Variants in WWOX observed in about 807,000 individuals in gnomAD.
WWOX encodes WW domain-containing oxidoreductase.
Under a neutral mutation model 46.2 loss-of-function variants are expected in WWOX, and 69 were observed. That is an observed-to-expected ratio of 1.49 (90% CI 1.23 to 1.82). The LOEUF is 1.82. Ranked by LOEUF, WWOX falls within the 40% of genes most tolerant of loss-of-function variation. The pLI is 0.00. For missense variants in WWOX, 919 were observed against 542.6 expected (o/e 1.69, Z -6.89); for synonymous variants, 359 against 202.6 (o/e 1.77, Z -6.56).
chr16:78,724,650 A>T (rs1397581685), intron 8 of WWOX, among the ~76,000 whole-genome samples: 2 of 152,196 alleles, frequency 1.3e-5, no homozygotes, highest in East Asian at 1.9e-4. Context: ...AAACATTTCC[A>T]TGCAATTCCC....
At chr16:78,370,542 C>T (rs945530284) in intron 5 of WWOX, among the ~76,000 whole-genome samples, 1 of 149,088 alleles carries the variant, frequency 6.7e-6, no homozygotes, top group Admixed American at 6.6e-5. Flanking sequence ...TTCTATTCTT[C>T]TGTTCTGTTC....
chr16:78,959,239 T>A (rs1055960329), intron 8 of WWOX, among the ~76,000 whole-genome samples: 2 of 152,212 alleles, frequency 1.3e-5, no homozygotes, highest in East Asian at 3.9e-4. Context: ...TGGAATAATA[T>A]TGTACAGACT....
At chr16:78,158,684 G>T (rs1352779047) in intron 4 of WWOX, among the ~76,000 whole-genome samples, 2 of 151,990 alleles carry the variant, frequency 1.3e-5, no homozygotes, top group Non-Finnish European at 2.9e-5. Flanking sequence ...GGGTTCATAG[G>T]ATCTGTAGTC....
chr16:78,789,149 C>T (rs2050530404), intron 8 of WWOX, among the ~76,000 whole-genome samples: 1 of 152,048 alleles, frequency 6.6e-6, no homozygotes, highest in Non-Finnish European at 1.5e-5. Flanking sequence ...CCCCTCCTCT[C>T]GCATTTGGTG....
intron 8 of WWOX, among the ~76,000 whole-genome samples, chr16:78,613,969 T>C (rs2151634195): frequency 6.6e-6 from 1 of 152,320 alleles, no homozygotes; most frequent in Middle Eastern, 3.4e-3. Flanking sequence ...CGATGGCTGC[T>C]TTCAGCTACG....
chr16:78,379,410 C>A (rs1448800178), intron 5 of WWOX, among the ~76,000 whole-genome samples: 1 of 152,152 alleles, frequency 6.6e-6, no homozygotes, highest in African/African-American at 2.4e-5. Flanking sequence ...ACAATGGAGG[C>A]CACGTTCAAC....
chr16:78,995,306 C>G (rs371584092), intron 8 of WWOX, among the ~76,000 whole-genome samples: 9 of 152,092 alleles, frequency 5.9e-5, no homozygotes, highest in African/African-American at 2.2e-4. Context: ...GCCAGTCTGC[C>G]CCTTGCCCAA....
intron 8 of WWOX, among the ~76,000 whole-genome samples, chr16:78,780,026 A>G (rs1597597264): frequency 1.3e-5 from 2 of 152,206 alleles, no homozygotes; most frequent in African/African-American, 4.8e-5. Context: ...CAATGGCAGT[A>G]CCCAGTAGAA....
chr16:78,130,909 AC>A (rs1184510569), intron 4 of WWOX, among the ~76,000 whole-genome samples: 1 of 152,118 alleles, frequency 6.6e-6, no homozygotes, highest in Non-Finnish European at 1.5e-5. Flanking sequence ...TCGTTGTGCA[AC>A]CCTCATAGGA....
intron 5 of WWOX, among the ~76,000 whole-genome samples, chr16:78,179,026 G>A (rs1399256282): frequency 6.6e-6 from 1 of 152,160 alleles, no homozygotes; most frequent in Non-Finnish European, 1.5e-5. Flanking sequence ...CTTGGCAGGG[G>A]TGTTCATGAT....
chr16:78,568,578 C>T (rs989978012), intron 8 of WWOX, among the ~76,000 whole-genome samples: 14 of 150,366 alleles, frequency 9.3e-5, no homozygotes, highest in Admixed American at 8.7e-4. Flanking sequence ...TGGATTCAAG[C>T]GAGTTTCCTG....
chr16:78,869,331 GA>G (rs2044075828), intron 8 of WWOX, among the ~76,000 whole-genome samples: 1 of 152,150 alleles, frequency 6.6e-6, no homozygotes. Flanking sequence ...TCTTCAGTCA[GA>G]AAGTGCCTAC....
At position 79,045,780 on chromosome 16, in the gene WWOX, C is replaced by CTTTTTTTTTTTTTT. The variant is rs770463813; in HGVS notation, c.1057-165802_1057-165789dup. On this transcript the variant is annotated intron_variant, in intron 8 of 8. Coordinates refer to ENST00000566780, the MANE Select transcript of WWOX (RefSeq NM_016373.4). ...AGCTCGTCTTTCCTTTTTTCTTTTC[C>CTTTTTTTTTTTTTT]TTTTTTTTTTTTTTTTTTTTTTTTT... Among the ~76,000 whole-genome samples the CTTTTTTTTTTTTTT allele has an allele frequency of 9.8e-4, 53 of 54,232 alleles. 10 individuals are homozygous for CTTTTTTTTTTTTTT. The highest frequency in any genetic ancestry group is 1.5e-3 in the Non-Finnish European group (38 of 25,356). The allele number at this position is 54,232 out of a possible 152,430, so 35.6% of individuals were successfully genotyped here.
chr16:78,931,973 C>G (rs1567658034), intron 8 of WWOX, among the ~76,000 whole-genome samples: 1 of 152,240 alleles, frequency 6.6e-6, no homozygotes, highest in South Asian at 2.1e-4. Context: ...CCTGCACAAA[C>G]TCTCTTGCCT....
At chr16:78,812,312 G>C (rs1248594224) in intron 8 of WWOX, among the ~76,000 whole-genome samples, 1 of 152,106 alleles carries the variant, frequency 6.6e-6, no homozygotes, top group Non-Finnish European at 1.5e-5. Context: ...GCCATCTCTT[G>C]GTGCCATTGG....
At chr16:78,632,557 A>ATT (rs545062752) in intron 8 of WWOX, among the ~76,000 whole-genome samples, 6 of 74,746 alleles carry the variant, frequency 8.0e-5, no homozygotes, top group East Asian at 3.7e-4. Context: ...TACTTGGCCA[A>ATT]TTTTTTTTTT....
At chr16:78,443,194 A>G (rs560687998) in intron 8 of WWOX, among the ~76,000 whole-genome samples, 1 of 150,540 alleles carries the variant, frequency 6.6e-6, no homozygotes, top group African/African-American at 2.5e-5. Flanking sequence ...TGTCCCAGCT[A>G]CTTGGGAGGC....
chr16:78,753,825 A>AAT (rs1159243014), intron 8 of WWOX, among the ~76,000 whole-genome samples: 645 of 21,262 alleles, frequency 0.03, 21 homozygotes, highest in Middle Eastern at 0.056. Context: ...AAAAAAAAAA[A>AAT]ATATATATAT....
intron 8 of WWOX, among the ~76,000 whole-genome samples, chr16:78,930,224 T>TTCCTTCCTTCCTTCCTTCCG (rs2045590318): frequency 1.2e-5 from 1 of 86,898 alleles, no homozygotes; most frequent in Non-Finnish European, 2.4e-5. Flanking sequence ...AGGACCTTTC[T>TTCCTTCCTTCCTTCCTTCCG]TCCTTCCTTC....
Sources: allele counts gnomAD v4.1 joint callset (sites outside exome capture counted in the v4.1 genomes callset), GRCh38; gene constraint gnomAD v4.1.1; transcripts MANE v1.5; gene names NCBI Gene and HGNC (gene_info 2026-07-23, HGNC 2026-07-21).